ZNF827: variants seen among roughly 807,000 people sequenced by gnomAD.
The protein encoded by ZNF827 is zinc finger protein 827.
Under a neutral mutation model 102.4 loss-of-function variants are expected in ZNF827, and 13 were observed. The observed-to-expected ratio is 0.13, with a 90% confidence interval of 0.08 to 0.20. The LOEUF (loss-of-function observed/expected upper bound fraction) is 0.20. Ranked by LOEUF, ZNF827 falls within the 10% of genes least tolerant of loss-of-function variation. ZNF827 has a pLI of 1.00. For synonymous variants in ZNF827, 523 were observed against 536.2 expected, an observed-to-expected ratio of 0.98 and a Z score of 0.34; for missense variants, 1,103 against 1,344.4, an observed-to-expected ratio of 0.82 and a Z score of 2.81.
intron 5 of ZNF827, among the ~76,000 whole-genome samples, chr4:145,861,279 A>C (rs1033868561): frequency 4.6e-5 from 7 of 152,338 alleles, no homozygotes; most frequent in Non-Finnish European, 1.0e-4. Flanking sequence ...ATAATGATTA[A>C]GCTCTCCCTC....
chr4:145,768,658 A>G (rs1356968821), intron 11 of ZNF827, among the ~76,000 whole-genome samples: 2 of 151,014 alleles, frequency 1.3e-5, no homozygotes, highest in East Asian at 1.9e-4. Context: ...TCATTAAGCA[A>G]TCTAGTGACT....
chr4:145,901,355 G>T (rs371749034), intron 2 of ZNF827, among the ~76,000 whole-genome samples: 18 of 152,088 alleles, frequency 1.2e-4, no homozygotes, highest in African/African-American at 4.3e-4. Flanking sequence ...AACAAGAAAT[G>T]GTGTTTCCAC....
At chr4:145,873,467 G>C (rs1010492716) in intron 4 of ZNF827, among the ~76,000 whole-genome samples, 1 of 152,184 alleles carries the variant, frequency 6.6e-6, no homozygotes, top group Non-Finnish European at 1.5e-5. Context: ...TGGGAGATAA[G>C]ATCTTTGAAG....
intron 1 of ZNF827, among the ~76,000 whole-genome samples, chr4:145,914,639 A>C (rs898730711): frequency 5.9e-5 from 9 of 152,196 alleles, no homozygotes; most frequent in Non-Finnish European, 1.3e-4. Flanking sequence ...AAACAACAAC[A>C]ATTAACAAAA....
chr4:145,899,822 C>G (rs1349892984), intron 2 of ZNF827, among the ~76,000 whole-genome samples: 3 of 152,150 alleles, frequency 2.0e-5, no homozygotes. Flanking sequence ...AGTCAATCAG[C>G]ACAGGGTTCT....
chr4:145,900,007 G>A (rs1412391757), intron 2 of ZNF827, among the ~76,000 whole-genome samples: 1 of 152,192 alleles, frequency 6.6e-6, no homozygotes, highest in Non-Finnish European at 1.5e-5. Context: ...CCACTGAGTT[G>A]CTGGCATAGA....
chr4:145,775,990 A>G (rs1737018664), intron 9 of ZNF827, 30 bp from the exon 10 acceptor site: 6 of 1,613,456 alleles, frequency 3.7e-6, no homozygotes, highest in East Asian at 2.2e-5. Context: ...AAAAAGCCCA[A>G]ATCGCTTTCA....
At chr4:145,804,643 C>G (rs1741229068) in intron 8 of ZNF827, among the ~76,000 whole-genome samples, 1 of 152,194 alleles carries the variant, frequency 6.6e-6, no homozygotes, top group Admixed American at 6.5e-5. Flanking sequence ...GTTGAAAACT[C>G]ATCTTGAACC....
intron 1 of ZNF827, among the ~76,000 whole-genome samples, chr4:145,910,219 C>A (rs998338388): frequency 6.6e-6 from 1 of 152,038 alleles, no homozygotes; most frequent in Non-Finnish European, 1.5e-5. Context: ...TCTAAATGAC[C>A]GTGAGTAAAA....
rs1751535389 is a variant in ZNF827, at chr4:145,902,838, T to C, written c.421A>G (p.Asn141Asp). 1 of 1,614,104 alleles carries C rather than the reference T, an allele frequency of 6.2e-7. No homozygotes were observed. Among genetic ancestry groups the C allele is most frequent in the Non-Finnish European group, 8.5e-7 (1 of 1,180,002 alleles). ...SLKLDAAATANGRVESPVNVG... is the reference protein window; with the variant it reads ...SLKLDAAATADGRVESPVNVG... ...TTTACGGGGGACTCCACTCTGCCAT[T>C]AGCCGTGGCTGCAGCATCGAGTTTG... The change falls in exon 2 of 15, where the codon AAT becomes GAT. Residue 141 changes from asparagine (N) to aspartate (D), a missense_variant. This residue lies in a region of ZNF827 where 441 missense variants were observed against 458.6 expected (regional missense o/e 0.96). Transcript: ENST00000508784. The surrounding 1 kb of genome is among the most constrained non-coding windows in gnomAD (Gnocchi z 4.3).
intron 3 of ZNF827, 32 bp downstream of exon 3, chr4:145,892,211 T>C: frequency 1.9e-6 from 3 of 1,579,454 alleles, no homozygotes; most frequent in Middle Eastern, 3.5e-4. Context: ...TGTGCCTGCC[T>C]CTCCAGGAGG....
chr4:145,770,224 G>A (rs939504737), intron 11 of ZNF827, among the ~76,000 whole-genome samples: 1 of 152,032 alleles, frequency 6.6e-6, no homozygotes, highest in East Asian at 1.9e-4. Context: ...GCTTGAACTT[G>A]AGAGGTGGAG....
chr4:145,932,604 A>G (rs1753894442), intron 1 of ZNF827, among the ~76,000 whole-genome samples: 1 of 151,966 alleles, frequency 6.6e-6, no homozygotes, highest in African/African-American at 2.4e-5. Context: ...CCTGCCGAGT[A>G]GCTGGGACCT....
chr4:145,786,431 T>C (rs1346107078), intron 8 of ZNF827, among the ~76,000 whole-genome samples: 1 of 152,188 alleles, frequency 6.6e-6, no homozygotes. Context: ...ATCAACTAAA[T>C]CTCATTACTG....
chr4:145,814,609 C>G (rs924711734), intron 8 of ZNF827, among the ~76,000 whole-genome samples: 4 of 150,760 alleles, frequency 2.7e-5, no homozygotes, highest in African/African-American at 9.8e-5. Flanking sequence ...CACCTCCTAA[C>G]AAACAAACAA....
At chr4:145,819,336 A>C (rs1255258549) in intron 8 of ZNF827, among the ~76,000 whole-genome samples, 1 of 152,174 alleles carries the variant, frequency 6.6e-6, no homozygotes, top group Non-Finnish European at 1.5e-5. Flanking sequence ...ACATACTGTG[A>C]CTTCAAATCA....
At position 145,849,392 on chromosome 4, in the gene ZNF827, G is replaced by A. The variant is rs375202168; in HGVS notation, c.2151C>T (p.Pro717=). 4 of 1,614,110 alleles carry A rather than the reference G, an allele frequency of 2.5e-6. No individual in the cohort carries two copies. The highest frequency in any genetic ancestry group is 2.5e-6 in the Non-Finnish European group (3 of 1,180,016). The part of the protein sequence containing the change: ...PLQKMPEGRV[P]PERNLFSQDI... ...CCTGACTGAAGAGGTTTCTCTCTGGGGGTACTCTGCCCTCTGGCATCTTCT... is the reference window on the plus strand; with the variant it reads ...CCTGACTGAAGAGGTTTCTCTCTGGAGGTACTCTGCCCTCTGGCATCTTCT... Residue 717 remains proline (P), a synonymous_variant, in exon 6 of 15, where the codon CCC becomes CCT. Transcript: ENST00000508784.
At chr4:145,880,873 G>A (rs1191167973) in intron 4 of ZNF827, among the ~76,000 whole-genome samples, 6 of 152,204 alleles carry the variant, frequency 3.9e-5, no homozygotes, top group African/African-American at 1.2e-4. Context: ...CACTGCCGTC[G>A]TAGGGTGTGA....
chr4:145,810,377 T>C (rs59831926), intron 8 of ZNF827, among the ~76,000 whole-genome samples: 21,607 of 147,334 alleles, frequency 0.15, 2,329 homozygotes, highest in East Asian at 0.63. Flanking sequence ...AGGCCAATTC[T>C]AAAAAAAAAA....
Sources: gnomAD v4.1 joint callset for allele counts (sites outside exome capture counted in the v4.1 genomes callset) on GRCh38, gnomAD v4.1.1 for gene constraint, gnomAD v4.1.1 regional missense constraint, Gnocchi (gnomAD v3.1) non-coding constraint, MANE v1.5 for transcripts, NCBI Gene and HGNC (gene_info 2026-07-23, HGNC 2026-07-21) for gene names.